CMTM8: variants seen among roughly 807,000 people sequenced by gnomAD.
CMTM8 encodes CKLF like MARVEL transmembrane domain containing 8, also known as CKLF-like MARVEL transmembrane domain-containing protein 8.
A neutral mutation model predicts 18.6 loss-of-function variants in CMTM8; 12 were observed. The ratio of observed to expected loss-of-function variants is 0.65; its 90% CI spans 0.41 to 1.05. The LOEUF (loss-of-function observed/expected upper bound fraction) is 1.05, where lower values mean the gene tolerates loss of function less well. Ranked by LOEUF, CMTM8 falls within the 50% of genes least tolerant of loss-of-function variation. The pLI is 0.00. For synonymous variants in CMTM8, 87 were observed against 90.6 expected (o/e 0.96, Z 0.23); for missense variants, 217 against 227.2 (o/e 0.95, Z 0.29).
At chr3:32,259,949 C>G (rs1702233888) in intron 1 of CMTM8, 1 of 1,146,066 alleles carries the variant, frequency 8.7e-7, no homozygotes, top group African/African-American at 1.5e-5. Context: ...GATAGAGCAG[C>G]TCAACGGGAT....
intron 1 of CMTM8, among the ~76,000 whole-genome samples, chr3:32,284,630 A>G (rs4325954): frequency 0.77 from 116,914 of 152,166 alleles, 45,142 homozygotes; most frequent in East Asian, 0.9. Flanking sequence ...TCCAGCACCG[A>G]CCTGTGATCA....
In CMTM8 at chr3:32,239,039, T is replaced by G; in HGVS notation, c.67T>G (p.Phe23Val). ...TTTASSFAEN[F>V]STSSSSFAYD... ...CACCGCCAGCTCCTTCGCAGAGAAC[T>G]TCTCCACCAGCAGCAGCAGCTTCGC... Residue 23 changes from phenylalanine (F) to valine (V), a missense_variant, in exon 1 of 4, where the codon TTC becomes GTC. Transcript: ENST00000307526. 1 of 1,586,246 alleles carries G rather than the reference T, an allele frequency of 6.3e-7. No individual in the cohort carries two copies.
At chr3:32,298,852 TACAC>T (rs1229919377) in intron 1 of CMTM8, among the ~76,000 whole-genome samples, 2 of 140,060 alleles carry the variant, frequency 1.4e-5, no homozygotes, top group Admixed American at 7.3e-5. Flanking sequence ...TGTGTGTATA[TACAC>T]ACACACATAT....
chr3:32,245,715 C>T (rs747114876), intron 1 of CMTM8, among the ~76,000 whole-genome samples: 8 of 152,084 alleles, frequency 5.3e-5, no homozygotes, highest in South Asian at 2.1e-4. Context: ...TATTCTGTTG[C>T]CCTGTTGAGT....
chr3:32,341,847 C>A (rs1287896122), intron 1 of CMTM8, among the ~76,000 whole-genome samples: 1 of 150,720 alleles, frequency 6.6e-6, no homozygotes, highest in African/African-American at 2.4e-5. Flanking sequence ...TGCACTCTAG[C>A]CTGGGCGACA....
intron 1 of CMTM8, among the ~76,000 whole-genome samples, chr3:32,330,699 A>G (rs1033430505): frequency 1.3e-5 from 2 of 152,088 alleles, no homozygotes; most frequent in South Asian, 2.1e-4. Flanking sequence ...CAAATGGTCT[A>G]TGGAAAAATG....
chr3:32,306,679 A>G (rs1695723042), intron 1 of CMTM8, among the ~76,000 whole-genome samples: 1 of 152,230 alleles, frequency 6.6e-6, no homozygotes, highest in South Asian at 2.1e-4. Flanking sequence ...GAATGTCTAT[A>G]GGAACAGCAG....
chr3:32,287,452 G>A (rs939632975), intron 1 of CMTM8, among the ~76,000 whole-genome samples: 1 of 152,140 alleles, frequency 6.6e-6, no homozygotes, highest in Non-Finnish European at 1.5e-5. Flanking sequence ...AAATCCTTCA[G>A]CTGTTAATAC....
intron 1 of CMTM8, among the ~76,000 whole-genome samples, chr3:32,303,360 G>A (rs1288922942): frequency 3.3e-5 from 5 of 152,146 alleles, no homozygotes; most frequent in African/African-American, 9.7e-5. Flanking sequence ...GATATTTCTA[G>A]TATTTTTGAG....
chr3:32,258,457 G>A (rs1480455093), intron 1 of CMTM8, among the ~76,000 whole-genome samples: 1 of 152,126 alleles, frequency 6.6e-6, no homozygotes, highest in African/African-American at 2.4e-5. Flanking sequence ...TCTGTGTTGT[G>A]AATATTTTTT....
At chr3:32,332,077 GA>G (rs142443645) in intron 1 of CMTM8, among the ~76,000 whole-genome samples, 22 of 151,226 alleles carry the variant, frequency 1.5e-4, no homozygotes, top group Non-Finnish European at 2.4e-4. Flanking sequence ...GAATAAAAAG[GA>G]AAAAAAAGCA....
intron 2 of CMTM8, among the ~76,000 whole-genome samples, chr3:32,366,411 G>C (rs965968253): frequency 6.6e-6 from 1 of 152,152 alleles, no homozygotes; most frequent in Non-Finnish European, 1.5e-5. Context: ...ACATGGGCTC[G>C]TGCACAAGGC....
At chr3:32,316,682 A>G (rs1398537483) in intron 1 of CMTM8, among the ~76,000 whole-genome samples, 1 of 152,180 alleles carries the variant, frequency 6.6e-6, no homozygotes, top group South Asian at 2.1e-4. Context: ...TTTTCCCCCT[A>G]AAACAGCAGC....
intron 1 of CMTM8, among the ~76,000 whole-genome samples, chr3:32,347,297 G>GTTTTTTTTTT (rs56826485): frequency 7.3e-6 from 1 of 136,534 alleles, no homozygotes; most frequent in South Asian, 2.4e-4. Context: ...TTTTGCTTAG[G>GTTTTTTTTTT]TTTTTTTTTT....
chr3:32,298,101 AGTCTC>A (rs1695513219), intron 1 of CMTM8, among the ~76,000 whole-genome samples: 1 of 147,964 alleles, frequency 6.8e-6, no homozygotes, highest in Non-Finnish European at 1.5e-5. Flanking sequence ...CAGTGGCTGG[AGTCTC>A]GTTCTGTCGC....
chr3:32,364,227 G>T (rs149618515), intron 2 of CMTM8, among the ~76,000 whole-genome samples: 9 of 152,102 alleles, frequency 5.9e-5, no homozygotes, highest in African/African-American at 2.2e-4. Flanking sequence ...AAATTAGGCC[G>T]GGTGCGGTGG....
chr3:32,339,912 A>G lies in CMTM8; in HGVS notation c.148-17461A>G, dbSNP rs1696461143. 2.6e-5 allele frequency among the ~76,000 whole-genome samples: 4 copies of G among 152,280 alleles called. No individual in the cohort carries two copies. In the South Asian group the frequency reaches 6.2e-4, roughly 24 times the overall value. On this transcript the variant is annotated intron_variant, in intron 1 of 3. Transcript: ENST00000307526. ...CGGGAGGCAGAGCTTGCAGTCAGCC[A>G]AGATCGCACCACTGCACTCCAGCCT...
chr3:32,334,907 A>G (rs1419654161), intron 1 of CMTM8, among the ~76,000 whole-genome samples: 1 of 152,082 alleles, frequency 6.6e-6, no homozygotes, highest in Admixed American at 6.5e-5. Context: ...TCCTAGGCCA[A>G]CTCCTACCTT....
intron 1 of CMTM8, among the ~76,000 whole-genome samples, chr3:32,279,017 C>A (rs1276368917): frequency 5.3e-5 from 8 of 152,070 alleles, no homozygotes; most frequent in Non-Finnish European, 1.0e-4. Flanking sequence ...TGGCTGGAAC[C>A]AGGAGTTCAA....
Sources: allele counts gnomAD v4.1 joint callset (sites outside exome capture counted in the v4.1 genomes callset), GRCh38; gene constraint gnomAD v4.1.1; transcripts MANE v1.5; gene names NCBI Gene and HGNC (gene_info 2026-07-23, HGNC 2026-07-21).